The following CADM1 variants were observed in gnomAD, a reference collection of about 807,000 sequenced individuals.
CADM1 encodes the protein TSLC-1.
A neutral mutation model predicts 53.1 loss-of-function variants in CADM1; 15 were observed. That is an observed-to-expected ratio of 0.28 (90% CI 0.19 to 0.44). The LOEUF is 0.44. Among genes scored for constraint, CADM1 ranks in the 20% least tolerant of loss-of-function variants. The pLI, the probability that CADM1 is intolerant of heterozygous loss-of-function variation, is 1.00. For synonymous variants in CADM1, 281 were observed against 243.0 expected, an observed-to-expected ratio of 1.16 and a Z score of -1.45; for missense variants, 434 against 611.3, an observed-to-expected ratio of 0.71 and a Z score of 3.06.
At chr11:115,186,421 T>C (rs1057408228) in intron 10 of CADM1, among the ~76,000 whole-genome samples, 4 of 152,174 alleles carry the variant, frequency 2.6e-5, no homozygotes, top group African/African-American at 7.2e-5. Flanking sequence ...AGCCTGACTT[T>C]TCCCTCATTC....
At chr11:115,342,455 G>A (rs928233928) in intron 1 of CADM1, among the ~76,000 whole-genome samples, 2 of 152,274 alleles carry the variant, frequency 1.3e-5, no homozygotes, top group Middle Eastern at 3.4e-3. Flanking sequence ...CAGAGTGAGT[G>A]GAGAGAAGAT....
chr11:115,225,377 T>C (rs1419389033), intron 5 of CADM1, among the ~76,000 whole-genome samples: 2 of 152,156 alleles, frequency 1.3e-5, no homozygotes, highest in African/African-American at 4.8e-5. Flanking sequence ...AAACAACTCA[T>C]TTATTTATGT....
chr11:115,312,342 G>C (rs1944553513), intron 1 of CADM1, among the ~76,000 whole-genome samples: 1 of 152,108 alleles, frequency 6.6e-6, no homozygotes, highest in Admixed American at 6.5e-5. Flanking sequence ...CACTAGAGAG[G>C]TGTGTTTTCT....
intron 3 of CADM1, among the ~76,000 whole-genome samples, chr11:115,234,384 C>T (rs1371206633): frequency 2.0e-5 from 3 of 152,166 alleles, no homozygotes; most frequent in East Asian, 1.9e-4. Flanking sequence ...CTCCAGATTT[C>T]GTTTGGGGGC....
At chr11:115,210,209 C>T (rs1940895779) in intron 7 of CADM1, among the ~76,000 whole-genome samples, 1 of 152,186 alleles carries the variant, frequency 6.6e-6, no homozygotes, top group Non-Finnish European at 1.5e-5. Context: ...GAGAGAATGT[C>T]ACCACTAAAT....
intron 1 of CADM1, among the ~76,000 whole-genome samples, chr11:115,373,311 G>T (rs2027615): frequency 6.6e-6 from 1 of 152,042 alleles, no homozygotes; most frequent in East Asian, 1.9e-4. Flanking sequence ...TTGGCCAGGC[G>T]CACTGGCTCA....
intron 3 of CADM1, among the ~76,000 whole-genome samples, chr11:115,234,420 C>T (rs935682103): frequency 1.3e-5 from 2 of 152,132 alleles, no homozygotes; most frequent in South Asian, 4.1e-4. Context: ...CAGCTAGGTC[C>T]CCATCTGGAT....
intron 1 of CADM1, among the ~76,000 whole-genome samples, chr11:115,431,126 A>G (rs952544709): frequency 1.9e-4 from 29 of 152,190 alleles, no homozygotes; most frequent in Admixed American, 1.3e-4. Context: ...AAATGGCACA[A>G]AAAAAGTACC....
chr11:115,336,220 G>A (rs376880726), intron 1 of CADM1, among the ~76,000 whole-genome samples: 3 of 152,050 alleles, frequency 2.0e-5, no homozygotes, highest in South Asian at 4.1e-4. Context: ...CCACTAACTC[G>A]ATTCAGGCTA....
At position 115,240,342 on chromosome 11, in the gene CADM1, T is replaced by G. The variant is rs1335534191; in HGVS notation, c.203A>C (p.Lys68Thr). 1 of 1,613,884 alleles carries G rather than the reference T, an allele frequency of 6.2e-7. No homozygotes were observed. Among genetic ancestry groups the G allele is most frequent in the Admixed American group, 1.7e-5 (1 of 59,986 alleles). The part of the protein sequence containing the change: ...EVATISCQVN[K>T]SDDSVIQLLN... Reference sequence around the variant, plus strand: ...TAGCTGAATCACAGAGTCGTCACTCTTATTGACTTGGCAACTGATGGTCGC... The same window carrying G: ...TAGCTGAATCACAGAGTCGTCACTCGTATTGACTTGGCAACTGATGGTCGC... The change falls in exon 2 of 12, where the codon AAG (lysine) becomes ACG (threonine). Residue 68 changes from lysine (K) to threonine (T), a missense_variant. Lys to Thr is a moderately conservative substitution (Grantham distance 78, BLOSUM62 -1). This residue lies in a region of CADM1 where 31 missense variants were observed against 74.6 expected (regional missense o/e 0.42). Transcript: ENST00000331581.
At chr11:115,304,534 A>G (rs1944313289) in intron 1 of CADM1, among the ~76,000 whole-genome samples, 1 of 152,058 alleles carries the variant, frequency 6.6e-6, no homozygotes, top group African/African-American at 2.4e-5. Context: ...AGATATAACT[A>G]TGGCATAATA....
intron 1 of CADM1, among the ~76,000 whole-genome samples, chr11:115,353,980 T>G (rs901528358): frequency 1.3e-5 from 2 of 152,154 alleles, no homozygotes; most frequent in Admixed American, 1.3e-4. Context: ...ATGGGCTGTT[T>G]TTGTTTGTTT....
chr11:115,349,037 C>T (rs1002101165), intron 1 of CADM1, among the ~76,000 whole-genome samples: 2 of 152,218 alleles, frequency 1.3e-5, no homozygotes, highest in African/African-American at 2.4e-5. Flanking sequence ...GGCAGATATA[C>T]TTCCAGACAT....
chr11:115,441,427 A>G (rs1948309354), intron 1 of CADM1, among the ~76,000 whole-genome samples: 1 of 152,214 alleles, frequency 6.6e-6, no homozygotes, highest in Admixed American at 6.5e-5. Flanking sequence ...ACCTCTACCC[A>G]AGACATTTAA....
At chr11:115,394,897 A>G (rs1255325764) in intron 1 of CADM1, among the ~76,000 whole-genome samples, 1 of 152,210 alleles carries the variant, frequency 6.6e-6, no homozygotes, top group Non-Finnish European at 1.5e-5. Context: ...ATGTTCATCC[A>G]TTATTCATTC....
chr11:115,350,833 T>C (rs887148408), intron 1 of CADM1, among the ~76,000 whole-genome samples: 6 of 151,416 alleles, frequency 4.0e-5, no homozygotes, highest in African/African-American at 9.7e-5. Context: ...TTCTAAGCCA[T>C]ATAAAAGTGA....
intron 1 of CADM1, among the ~76,000 whole-genome samples, chr11:115,459,719 A>G (rs1242293100): frequency 6.6e-6 from 1 of 152,202 alleles, no homozygotes; most frequent in African/African-American, 2.4e-5. Context: ...AAGTTAATTC[A>G]AAATGGTTTA....
At chr11:115,379,372 T>C (rs1946519944) in intron 1 of CADM1, among the ~76,000 whole-genome samples, 1 of 152,238 alleles carries the variant, frequency 6.6e-6, no homozygotes, top group Non-Finnish European at 1.5e-5. Context: ...TACTCTTCCC[T>C]ATAGAAAGGT....
chr11:115,426,423 G>C (rs976319083), intron 1 of CADM1, among the ~76,000 whole-genome samples: 1 of 152,164 alleles, frequency 6.6e-6, no homozygotes, highest in Non-Finnish European at 1.5e-5. Flanking sequence ...GAGGGTAGGG[G>C]AAGTGGGGTG....
Sources: gnomAD v4.1 joint callset for allele counts (sites outside exome capture counted in the v4.1 genomes callset) on GRCh38, gnomAD v4.1.1 for gene constraint, gnomAD v4.1.1 regional missense constraint, MANE v1.5 for transcripts, NCBI Gene and HGNC (gene_info 2026-07-23, HGNC 2026-07-21) for gene names.